Variants in MAPKAP1 observed in about 807,000 individuals in gnomAD.
MAPKAP1 encodes MAPK associated protein 1.
In MAPKAP1, 20 loss-of-function variants were observed where a neutral mutation model predicts 65.7. The observed-to-expected ratio is 0.30, with a 90% CI of 0.21 to 0.44. MAPKAP1 has a LOEUF of 0.44. MAPKAP1 is among the 20% of genes least tolerant of loss of function. The pLI, the probability that MAPKAP1 is intolerant of heterozygous loss-of-function variation, is 1.00. For synonymous variants in MAPKAP1, 222 were observed against 244.3 expected (o/e 0.91, Z 0.85); for missense variants, 423 against 648.0 (o/e 0.65, Z 3.77).
At chr9:125,695,369 G>A (rs142710142) in intron 1 of MAPKAP1, among the ~76,000 whole-genome samples, 389 of 152,310 alleles carry the variant, frequency 2.6e-3, no homozygotes, top group Non-Finnish European at 4.5e-3. Context: ...TGGCTTTGCA[G>A]AGGGATGCCG....
chr9:125,486,175 G>T (rs1262657884), intron 8 of MAPKAP1, among the ~76,000 whole-genome samples: 1 of 152,226 alleles, frequency 6.6e-6, no homozygotes, highest in Non-Finnish European at 1.5e-5. Context: ...TTACTGCATT[G>T]AAGGTCTTAT....
chr9:125,612,834 C>T (rs1832641660), intron 4 of MAPKAP1, among the ~76,000 whole-genome samples: 1 of 152,174 alleles, frequency 6.6e-6, no homozygotes, highest in African/African-American at 2.4e-5. Flanking sequence ...GACTGACACT[C>T]ATCAAAAGAA....
chr9:125,698,306 T>TATATATATATATAA (rs1835479049), intron 1 of MAPKAP1, among the ~76,000 whole-genome samples: 3 of 44,284 alleles, frequency 6.8e-5, no homozygotes, highest in Non-Finnish European at 1.3e-4. Context: ...TATATATATA[T>TATATATATATATAA]ATATATATAT....
intron 4 of MAPKAP1, among the ~76,000 whole-genome samples, chr9:125,636,299 T>C (rs1833421101): frequency 6.6e-6 from 1 of 151,888 alleles, no homozygotes; most frequent in Non-Finnish European, 1.5e-5. Context: ...CATATTAATA[T>C]ACAGAAGAGA....
At position 125,506,567 on chromosome 9, in the gene MAPKAP1, T is replaced by A. The variant is rs80043866; in HGVS notation, c.959-150A>T. ...GGTCTAGCTATCCAGGATGGAAGTT[T>A]GGGGTTTCTTTTGCATAAGGCTTCA... On this transcript the variant is annotated intron_variant, in intron 7 of 11. Transcript: ENST00000265960. 3.1e-3 allele frequency: 2,056 copies of A among 659,694 alleles called. 25 individuals are homozygous for A. The African/African-American group carries it at 0.033, about 10-fold the overall frequency. The allele number at this position is 659,694 out of a possible 1,614,324, so 40.9% of individuals were successfully genotyped here.
At chr9:125,540,918 C>T (rs960164421) in intron 7 of MAPKAP1, among the ~76,000 whole-genome samples, 1 of 152,172 alleles carries the variant, frequency 6.6e-6, no homozygotes, top group East Asian at 1.9e-4. Context: ...ACAAGATGTA[C>T]CCTGCCTTTA....
chr9:125,623,725 G>C (rs1323135044), intron 4 of MAPKAP1, among the ~76,000 whole-genome samples: 1 of 38,312 alleles, frequency 2.6e-5, no homozygotes, highest in African/African-American at 5.9e-5. Flanking sequence ...TCAGCCCCCC[G>C]CCCGGCCAGC....
intron 5 of MAPKAP1, among the ~76,000 whole-genome samples, chr9:125,562,532 C>T (rs894620934): frequency 3.3e-5 from 5 of 152,134 alleles, no homozygotes; most frequent in African/African-American, 4.8e-5. Context: ...GACTAAAATT[C>T]TATATTCTAC....
Position 125,458,672 on chromosome 9 carries a change from C to G in MAPKAP1, c.1345+9300G>C, listed in dbSNP as rs1347846709. On this transcript the variant is annotated intron_variant, in intron 10 of 11. Coordinates refer to ENST00000265960, the MANE Select transcript of MAPKAP1 (RefSeq NM_001006617.3). ...TCTCAATCTTTTCCCCACCCCTCCC[C>G]CCTTTCTATTCCACAAAACCGCCAT... is the stretch of plus-strand genomic sequence containing the variant. Among the ~76,000 whole-genome samples the G allele has an allele frequency of 1.0e-3, 158 of 150,708 alleles. 1 individual carries two copies. Among genetic ancestry groups the G allele is most frequent in the African/African-American group, 3.6e-3 (149 of 40,928 alleles).
chr9:125,514,673 G>C lies in MAPKAP1; in HGVS notation c.959-8256C>G, dbSNP rs138075806. Among the ~76,000 whole-genome samples, 194 of 152,296 alleles carry C rather than the reference G, an allele frequency of 1.3e-3. 2 individuals carry two copies. Among genetic ancestry groups the C allele is most frequent in the Non-Finnish European group, 1.7e-3 (113 of 68,032 alleles). On this transcript the variant is annotated intron_variant, in intron 7 of 11. Coordinates refer to ENST00000265960, the MANE Select transcript of MAPKAP1 (RefSeq NM_001006617.3). The stretch of plus-strand genomic sequence containing the variant: ...GGCCCAGATTGTTGGTCAAGATTTG[G>C]ATTTTCTCTCATATGCAACAGGTGC...
chr9:125,559,752 G>A lies in MAPKAP1; in HGVS notation c.729C>T (p.Thr243=), dbSNP rs375965766. ...HIAEDDGEVD[T]DFPPLDSNEP... The stretch of plus-strand genomic sequence containing the variant: ...CATTGGAATCCAGCGGGGGGAAATC[G>A]GTGTCCACCTCCCCATCATCCTCAG... Residue 243 remains threonine, a synonymous_variant, in exon 6 of 12, where the codon ACC becomes ACT. Coordinates refer to ENST00000265960, the MANE Select transcript of MAPKAP1 (RefSeq NM_001006617.3). The A allele has an allele frequency of 2.7e-5, 43 of 1,613,834 alleles. No individual in the cohort carries two copies. The highest frequency in any genetic ancestry group is 1.3e-4 in the East Asian group (6 of 44,882).
intron 4 of MAPKAP1, among the ~76,000 whole-genome samples, chr9:125,587,863 T>C (rs995079864): frequency 6.6e-6 from 1 of 152,152 alleles, no homozygotes; most frequent in Non-Finnish European, 1.5e-5. Context: ...CTAGGGTGGC[T>C]ATAATTTAAA....
chr9:125,593,415 A>C (rs929586164), intron 4 of MAPKAP1, among the ~76,000 whole-genome samples: 5 of 152,228 alleles, frequency 3.3e-5, no homozygotes, highest in Non-Finnish European at 4.4e-5. Context: ...TAATCCTAGC[A>C]CTTTGGGAGG....
intron 6 of MAPKAP1, among the ~76,000 whole-genome samples, chr9:125,543,527 C>T (rs112841067): frequency 0.018 from 2,800 of 152,096 alleles, 98 homozygotes; most frequent in African/African-American, 0.062. Context: ...CTGCCCGCCT[C>T]GGCCTCCCAA....
intron 9 of MAPKAP1, among the ~76,000 whole-genome samples, chr9:125,474,586 G>C (rs1049206982): frequency 3.3e-5 from 5 of 152,290 alleles, no homozygotes; most frequent in African/African-American, 1.2e-4. Context: ...TAGCTGCCTG[G>C]TGAGTTCTGA....
At chr9:125,574,792 A>C (rs1831343216) in intron 5 of MAPKAP1, among the ~76,000 whole-genome samples, 1 of 152,244 alleles carries the variant, frequency 6.6e-6, no homozygotes, top group Admixed American at 6.5e-5. Flanking sequence ...ATGAACATTT[A>C]TTGAGCACTT....
rs137912022 is a variant in MAPKAP1 at position 125,460,147 on chromosome 9, A to G, written c.1345+7825T>C. On this transcript the variant is annotated intron_variant, in intron 10 of 11. Coordinates refer to ENST00000265960, the MANE Select transcript of MAPKAP1 (RefSeq NM_001006617.3). Reference sequence around the variant, plus strand: ...GATCTCTTCTGATATTAAAATCAAGAAAGAATGAATTTGAGAAAATGGTAA... The same window carrying G: ...GATCTCTTCTGATATTAAAATCAAGGAAGAATGAATTTGAGAAAATGGTAA... Among the ~76,000 whole-genome samples, 473 of 150,768 alleles carry G rather than the reference A, an allele frequency of 3.1e-3. 2 individuals are homozygous for G. Among genetic ancestry groups the G allele is most frequent in the Middle Eastern group, 6.8e-3 (2 of 294 alleles).
intron 2 of MAPKAP1, among the ~76,000 whole-genome samples, chr9:125,670,586 CA>C (rs1834468565): frequency 6.6e-6 from 1 of 152,178 alleles, no homozygotes; most frequent in Admixed American, 6.5e-5. Flanking sequence ...AGACAACCTA[CA>C]ATCTCAATTA....
At chr9:125,683,384 A>G (rs1432130487) in intron 1 of MAPKAP1, among the ~76,000 whole-genome samples, 2 of 152,186 alleles carry the variant, frequency 1.3e-5, no homozygotes, top group African/African-American at 2.4e-5. Flanking sequence ...TTTCCATTAT[A>G]TAAGACTCCA....
Sources: gnomAD v4.1 joint callset for allele counts (sites outside exome capture counted in the v4.1 genomes callset) on GRCh38, gnomAD v4.1.1 for gene constraint, MANE v1.5 for transcripts, NCBI Gene and HGNC (gene_info 2026-07-23, HGNC 2026-07-21) for gene names.